PTPRA: variants seen among roughly 807,000 people sequenced by gnomAD.
The protein encoded by PTPRA is protein tyrosine phosphatase receptor type A, also known as receptor-type tyrosine-protein phosphatase alpha.
In PTPRA, 25 loss-of-function variants were observed where a neutral mutation model predicts 104.8. The observed-to-expected ratio is 0.24, with a 90% CI of 0.17 to 0.33. The LOEUF (loss-of-function observed/expected upper bound fraction) is 0.33, where lower values mean the gene tolerates loss of function less well. PTPRA is among the 10% of genes least tolerant of loss of function. The pLI is 1.00. For synonymous variants in PTPRA, 323 were observed against 368.9 expected (o/e 0.88, Z 1.43); for missense variants, 765 against 1,015.3 (o/e 0.75, Z 3.35).
chr20:2,918,132 T>C lies in PTPRA; in HGVS notation c.-128-5075T>C, dbSNP rs1600110237. Among the ~76,000 whole-genome samples the C allele has an allele frequency of 2.0e-5, 3 of 150,418 alleles. No homozygotes were observed. The East Asian group carries it at 5.8e-4, about 29-fold the overall frequency. ...AAGACAGTGTTTTTTAAAGATGGAGTTTAGTATACAGAAATATTGGGTGTC... is the reference window on the plus strand; with the variant it reads ...AAGACAGTGTTTTTTAAAGATGGAGCTTAGTATACAGAAATATTGGGTGTC... On this transcript the variant is annotated intron_variant, in intron 1 of 23. Transcript: ENST00000399903.
intron 16 of PTPRA, among the ~76,000 whole-genome samples, chr20:3,024,134 G>T (rs751599887): frequency 6.6e-6 from 1 of 152,208 alleles, no homozygotes; most frequent in Non-Finnish European, 1.5e-5. Context: ...GCAGGGACCA[G>T]ACTATCACGG....
chr20:3,028,580 G>A (rs1027832068), intron 20 of PTPRA, among the ~76,000 whole-genome samples: 1 of 152,188 alleles, frequency 6.6e-6, no homozygotes, highest in African/African-American at 2.4e-5. Flanking sequence ...GGGGGACCCA[G>A]TCTGTGTTCT....
At chr20:2,984,887 A>G (rs2062837391) in intron 6 of PTPRA, among the ~76,000 whole-genome samples, 1 of 152,162 alleles carries the variant, frequency 6.6e-6, no homozygotes, top group South Asian at 2.1e-4. Context: ...ACTTCCTCAG[A>G]GAGACCTTCC....
intron 1 of PTPRA, among the ~76,000 whole-genome samples, chr20:2,901,615 T>C (rs76478289): frequency 0.019 from 2,887 of 152,258 alleles, 96 homozygotes; most frequent in African/African-American, 0.064. Flanking sequence ...CTGTTACTTA[T>C]GTTATATTGT....
chr20:3,003,266 A>G (rs1383188489), intron 9 of PTPRA, among the ~76,000 whole-genome samples: 1 of 152,224 alleles, frequency 6.6e-6, no homozygotes, highest in African/African-American at 2.4e-5. Flanking sequence ...TGGTAGGTAC[A>G]AAATATATAT....
At chr20:2,998,930 T>A (rs1600231777) in intron 9 of PTPRA, among the ~76,000 whole-genome samples, 2 of 148,366 alleles carry the variant, frequency 1.3e-5, no homozygotes, top group Admixed American at 6.7e-5. Flanking sequence ...TATTTATAAT[T>A]TATTATATAT....
intron 20 of PTPRA, among the ~76,000 whole-genome samples, chr20:3,033,011 C>G (rs1416559138): frequency 6.6e-6 from 1 of 151,850 alleles, no homozygotes; most frequent in Admixed American, 6.6e-5. Flanking sequence ...ACTCACTAAC[C>G]TGGCAGCTCC....
intron 3 of PTPRA, among the ~76,000 whole-genome samples, chr20:2,949,731 T>A (rs949262008): frequency 2.0e-4 from 30 of 151,414 alleles, no homozygotes; most frequent in South Asian, 8.3e-4. Context: ...TTTTTTTTTT[T>A]AAATAGTAAC....
chr20:2,946,900 T>G (rs1349014891), intron 2 of PTPRA, among the ~76,000 whole-genome samples: 1 of 151,770 alleles, frequency 6.6e-6, no homozygotes, highest in Non-Finnish European at 1.5e-5. Context: ...AGTAAATGAA[T>G]CAAAATGAAG....
intron 10 of PTPRA, among the ~76,000 whole-genome samples, chr20:3,007,105 A>G (rs572970201): frequency 2.0e-5 from 3 of 152,214 alleles, no homozygotes; most frequent in South Asian, 4.1e-4. Flanking sequence ...TTTTTTCTCA[A>G]CTACTTAGTA....
At chr20:2,896,414 A>G (rs2059002759) in intron 1 of PTPRA, among the ~76,000 whole-genome samples, 1 of 152,082 alleles carries the variant, frequency 6.6e-6, no homozygotes. Context: ...AAACACACAC[A>G]CGCAAAGAAT....
intron 11 of PTPRA, among the ~76,000 whole-genome samples, chr20:3,013,451 C>T (rs2064279311): frequency 1.3e-5 from 2 of 149,038 alleles, no homozygotes; most frequent in Non-Finnish European, 3.0e-5. Flanking sequence ...GAATTTCACT[C>T]TTGTTGCCCA....
rs201933646 is a variant in PTPRA at position 3,026,647 on chromosome 20, A to C, written c.1615-40A>C. On this transcript the variant is annotated intron_variant, in intron 17 of 23. Transcript: ENST00000399903. ...AGGCATAATCTTGTCAAGTTCAGTT[A>C]CTGGGATCAGTAATGTTTCCCCTCC... is the stretch of plus-strand genomic sequence containing the variant. 4.0e-6 allele frequency: 6 copies of C among 1,494,998 alleles called. No homozygotes were observed. In the Admixed American group the frequency reaches 8.4e-5, roughly 21 times the overall value. 92.6% of individuals were successfully genotyped at this position (1,494,998 alleles called of 1,614,324 possible).
intron 11 of PTPRA, among the ~76,000 whole-genome samples, chr20:3,014,728 A>G (rs1334454448): frequency 1.3e-5 from 2 of 151,924 alleles, no homozygotes; most frequent in African/African-American, 4.8e-5. Context: ...TCACATTGCC[A>G]CCCTGGTGTT....
At chr20:2,871,812 C>T (rs75753421), upstream of PTPRA, among the ~76,000 whole-genome samples, 379 of 152,282 alleles carry the variant, frequency 2.5e-3, 2 homozygotes, top group South Asian at 0.027. Context: ...GGAGAGTAGG[C>T]GTGTGGACTC....
intron 9 of PTPRA, 43 bp downstream of exon 9, chr20:2,988,517 C>T (rs1466203755): frequency 2.5e-6 from 4 of 1,599,680 alleles, no homozygotes; most frequent in South Asian, 2.3e-5. Flanking sequence ...GGGAAGAAGG[C>T]AGACCTAAAG....
At chr20:3,031,503 C>T (rs1041784068) in intron 20 of PTPRA, among the ~76,000 whole-genome samples, 1 of 152,042 alleles carries the variant, frequency 6.6e-6, no homozygotes, top group Non-Finnish European at 1.5e-5. Flanking sequence ...AGGCATCAGT[C>T]ACCATGTGGA....
intron 1 of PTPRA, among the ~76,000 whole-genome samples, chr20:2,916,464 C>T (rs1190898601): frequency 6.6e-6 from 1 of 152,190 alleles, no homozygotes; most frequent in Non-Finnish European, 1.5e-5. Flanking sequence ...TGTCTTAGCA[C>T]TCTTTCCAAA....
intron 1 of PTPRA, among the ~76,000 whole-genome samples, chr20:2,919,669 A>G (rs2060033308): frequency 9.6e-6 from 1 of 103,896 alleles, no homozygotes; most frequent in Non-Finnish European, 1.8e-5. Context: ...GGGGGAGGCC[A>G]TAAACAGTTA....
Sources: allele counts gnomAD v4.1 joint callset (sites outside exome capture counted in the v4.1 genomes callset), GRCh38; gene constraint gnomAD v4.1.1; transcripts MANE v1.5; gene names NCBI Gene and HGNC (gene_info 2026-07-23, HGNC 2026-07-21).